The following MYO16 variants were observed in gnomAD, a reference collection of about 807,000 sequenced individuals.
MYO16 encodes unconventional myosin-XVI.
In MYO16, 94 loss-of-function variants were observed where a neutral mutation model predicts 205.3. The ratio of observed to expected loss-of-function variants is 0.46; its 90% CI spans 0.39 to 0.54. The LOEUF is 0.54. Among genes scored for constraint, MYO16 ranks in the 20% least tolerant of loss-of-function variants. The pLI is 0.00. For missense variants in MYO16, 2,315 were observed against 2,387.5 expected, an observed-to-expected ratio of 0.97 and a Z score of 0.63; for synonymous variants, 988 against 954.0, an observed-to-expected ratio of 1.04 and a Z score of -0.66.
chr13:108,904,617 A>G (rs1189169017), intron 15 of MYO16, among the ~76,000 whole-genome samples: 1 of 152,214 alleles, frequency 6.6e-6, no homozygotes, highest in Non-Finnish European at 1.5e-5. Context: ...ATGTAACATA[A>G]CATGCAATAA....
intron 4 of MYO16, among the ~76,000 whole-genome samples, chr13:108,754,289 A>G (rs558648607): frequency 3.9e-5 from 6 of 152,342 alleles, no homozygotes; most frequent in African/African-American, 1.4e-4. Context: ...AGCATGAAGA[A>G]CAAGCTGTAG....
intron 6 of MYO16, among the ~76,000 whole-genome samples, chr13:108,799,487 C>T (rs771506912): frequency 2.0e-5 from 3 of 152,134 alleles, no homozygotes; most frequent in Non-Finnish European, 4.4e-5. Flanking sequence ...ACCATGAATG[C>T]TATCTTGAGG....
At chr13:108,712,606 C>A in intron 2 of MYO16, 55 bp from the exon 3 acceptor site, 1 of 1,492,052 alleles carries the variant, frequency 6.7e-7, no homozygotes, top group Non-Finnish European at 9.4e-7. Context: ...ACATTTGGTT[C>A]CACACGTGGA....
chr13:109,020,520 C>A (rs937182665), intron 23 of MYO16, among the ~76,000 whole-genome samples: 1 of 152,142 alleles, frequency 6.6e-6, no homozygotes, highest in East Asian at 1.9e-4. Flanking sequence ...GATCTCTGTT[C>A]AGGTTATTTT....
intron 31 of MYO16, among the ~76,000 whole-genome samples, chr13:109,129,581 G>A (rs1253900099): frequency 6.6e-6 from 1 of 152,106 alleles, no homozygotes; most frequent in Non-Finnish European, 1.5e-5. Context: ...TAGATTTGCG[G>A]CCCATATCTC....
At chr13:108,872,665 TTAAG>T (rs1332104984) in intron 12 of MYO16, among the ~76,000 whole-genome samples, 1 of 151,334 alleles carries the variant, frequency 6.6e-6, no homozygotes, top group Non-Finnish European at 1.5e-5. Flanking sequence ...TATATATGAA[TTAAG>T]TATTTAATAT....
At chr13:109,031,291 C>A (rs141709537) in intron 23 of MYO16, among the ~76,000 whole-genome samples, 1 of 152,058 alleles carries the variant, frequency 6.6e-6, no homozygotes, top group African/African-American at 2.4e-5. Context: ...GGGGTTTCAC[C>A]ATATTGGCCA....
chr13:108,844,607 A>AATCT, intron 10 of MYO16, 114 bp downstream of exon 10: 2 of 1,062,420 alleles, frequency 1.9e-6, no homozygotes, highest in Non-Finnish European at 2.6e-6. Context: ...AAAGACAATT[A>AATCT]ATGCATAGAT....
intron 4 of MYO16, among the ~76,000 whole-genome samples, chr13:108,749,378 A>T (rs1409043357): frequency 6.6e-6 from 1 of 152,190 alleles, no homozygotes; most frequent in Non-Finnish European, 1.5e-5. Context: ...TCTCAGAAAG[A>T]ACTTATAGCT....
At chr13:108,565,279 CATTTTAACAATATTAATTATTGCA>C in the MYO16 span, among the ~76,000 whole-genome samples, 1 of 152,238 alleles carries the variant, frequency 6.6e-6, no homozygotes, top group South Asian at 2.1e-4. Context: ...GTAGTAGGGA[CATTTTAACAATATTAATTATTGCA>C]ATCCATGAAC....
chr13:108,522,619 G>C, the MYO16 span, among the ~76,000 whole-genome samples: 4 of 152,238 alleles, frequency 2.6e-5, no homozygotes, highest in East Asian at 3.9e-4. Flanking sequence ...TGTGAGCAGG[G>C]TTGAGTCCTC....
chr13:108,772,104 A>C (rs745996035), intron 4 of MYO16, among the ~76,000 whole-genome samples: 10 of 152,178 alleles, frequency 6.6e-5, no homozygotes, highest in Non-Finnish European at 1.3e-4. Flanking sequence ...GTAGTCCAGC[A>C]CTTTGGGAAG....
intron 4 of MYO16, among the ~76,000 whole-genome samples, chr13:108,759,533 A>G (rs1318379238): frequency 1.3e-5 from 2 of 152,268 alleles, no homozygotes; most frequent in East Asian, 1.9e-4. Context: ...GATAAAGAAC[A>G]TATTTGGGCC....
At position 108,644,338 on chromosome 13, in the gene MYO16, A is replaced by G. The variant is rs546543110; in HGVS notation, c.28+14466A>G. 1.0e-4 allele frequency among the ~76,000 whole-genome samples: 15 copies of G among 150,258 alleles called. No individual in the cohort carries two copies. In the East Asian group the frequency reaches 2.6e-3, roughly 26 times the overall value. ...CTGGTCTAAAATGGTTGGAGCATTT[A>G]TTCTACCATCTATCTGTCTGTCTGT... On this transcript the variant is annotated intron_variant, in intron 1 of 34. Coordinates refer to ENST00000457511, the MANE Select transcript of MYO16 (RefSeq NM_001198950.3).
At chr13:109,198,521 T>A (rs1327494822) in intron 34 of MYO16, among the ~76,000 whole-genome samples, 1 of 152,226 alleles carries the variant, frequency 6.6e-6, no homozygotes, top group Non-Finnish European at 1.5e-5. Context: ...TTGCTCAGTA[T>A]TTTCTGGGTT....
chr13:108,653,246 G>A (rs908050725), intron 1 of MYO16, among the ~76,000 whole-genome samples: 1 of 152,000 alleles, frequency 6.6e-6, no homozygotes, highest in East Asian at 1.9e-4. Flanking sequence ...TTGATTTTTT[G>A]TTGCTGAGTT....
intron 15 of MYO16, among the ~76,000 whole-genome samples, chr13:108,906,595 G>A (rs927946247): frequency 5.9e-5 from 9 of 152,192 alleles, no homozygotes; most frequent in Admixed American, 1.3e-4. Flanking sequence ...TATGTGAAGA[G>A]CAGCATCCTT....
chr13:108,933,916 G>T (rs1470457927), intron 16 of MYO16, among the ~76,000 whole-genome samples: 1 of 152,076 alleles, frequency 6.6e-6, no homozygotes, highest in Non-Finnish European at 1.5e-5. Context: ...TCATGTTGCT[G>T]CAAAGGCCAT....
chr13:109,139,662 G>A (rs890849155), intron 31 of MYO16, among the ~76,000 whole-genome samples: 4 of 151,944 alleles, frequency 2.6e-5, no homozygotes, highest in African/African-American at 9.7e-5. Flanking sequence ...GGGCTTACAA[G>A]TTTAAGGGGT....
Sources: allele counts gnomAD v4.1 joint callset (sites outside exome capture counted in the v4.1 genomes callset), GRCh38; gene constraint gnomAD v4.1.1; transcripts MANE v1.5; gene names NCBI Gene and HGNC (gene_info 2026-07-23, HGNC 2026-07-21).